The following PTPRJ variants were observed in gnomAD, a reference collection of about 807,000 sequenced individuals.
PTPRJ encodes the protein receptor-type tyrosine-protein phosphatase eta.
PTPRJ carries 129 observed loss-of-function variants against 141.3 expected under a neutral mutation model. The ratio of observed to expected loss-of-function variants is 0.91; its 90% confidence interval spans 0.79 to 1.06. The LOEUF (loss-of-function observed/expected upper bound fraction) is 1.06. Among genes scored for constraint, PTPRJ ranks in the 50% least tolerant of loss-of-function variants. The probability of loss-of-function intolerance (pLI) is 0.00; values close to 1 mark genes in which losing one functional copy is unlikely to be tolerated. For missense variants in PTPRJ, 1,601 were observed against 1,679.7 expected (o/e 0.95, Z 0.82); for synonymous variants, 610 against 640.5 (o/e 0.95, Z 0.72).
intron 3 of PTPRJ, among the ~76,000 whole-genome samples, chr11:48,120,488 C>T (rs968119758): frequency 9.2e-5 from 14 of 152,106 alleles, no homozygotes; most frequent in Non-Finnish European, 1.9e-4. Context: ...TGCAGTGGCG[C>T]GATCTTGGCT....
intron 1 of PTPRJ, among the ~76,000 whole-genome samples, chr11:47,985,210 C>T (rs2134172296): frequency 6.6e-6 from 1 of 152,068 alleles, no homozygotes; most frequent in South Asian, 2.1e-4. Context: ...TGCAGTGGTA[C>T]AAACGTAATT....
chr11:48,132,947 C>T (rs902425819), intron 8 of PTPRJ, among the ~76,000 whole-genome samples: 7 of 152,144 alleles, frequency 4.6e-5, no homozygotes, highest in Non-Finnish European at 8.8e-5. Flanking sequence ...CAACATGTTT[C>T]TTCTGTCTTT....
intron 1 of PTPRJ, among the ~76,000 whole-genome samples, chr11:48,058,759 A>G (rs1015095965): frequency 6.6e-6 from 1 of 152,038 alleles, no homozygotes; most frequent in Non-Finnish European, 1.5e-5. Flanking sequence ...TTTTTTAAAA[A>G]CTGAAGTCAG....
rs747908072 is a variant in PTPRJ at position 48,128,062 on chromosome 11, C to T, written c.1357+19C>T. 9 of 1,603,140 alleles carry T rather than the reference C, an allele frequency of 5.6e-6. No individual in the cohort carries two copies. In the Admixed American group the frequency reaches 1.2e-4, roughly 21 times the overall value. ...CACACCCGTGAGTTCATGCCTGGCT[C>T]TCACCACCCTTTCCTGCTGTCCTGC... On this transcript the variant is annotated intron_variant, in intron 7 of 24. Transcript: ENST00000418331.
At chr11:47,987,678 C>CT (rs1854085869) in intron 1 of PTPRJ, among the ~76,000 whole-genome samples, 1 of 152,210 alleles carries the variant, frequency 6.6e-6, no homozygotes, top group South Asian at 2.1e-4. Context: ...TGGTGAATAT[C>CT]TTAGACCAGA....
chr11:48,065,004 CTTTTTTTTTTT>C (rs61139660), intron 1 of PTPRJ, among the ~76,000 whole-genome samples: 3 of 117,208 alleles, frequency 2.6e-5, no homozygotes, highest in Admixed American at 8.5e-5. Flanking sequence ...CCTCAACTAC[CTTTTTTTTTTT>C]TTTTTTTTTT....
chr11:48,021,424 AT>A (rs1240530943), intron 1 of PTPRJ, among the ~76,000 whole-genome samples: 6 of 149,446 alleles, frequency 4.0e-5, no homozygotes, highest in African/African-American at 9.8e-5. Flanking sequence ...AATAAATAAA[AT>A]AAAATAAAAT....
intron 1 of PTPRJ, among the ~76,000 whole-genome samples, chr11:48,079,406 C>T (rs1476153273): frequency 1.3e-5 from 2 of 151,786 alleles, no homozygotes; most frequent in African/African-American, 4.8e-5. Flanking sequence ...GTTGTGCCTT[C>T]ATGACGCTCG....
intron 1 of PTPRJ, among the ~76,000 whole-genome samples, chr11:48,087,729 T>C (rs1039005590): frequency 2.0e-5 from 3 of 152,188 alleles, no homozygotes; most frequent in African/African-American, 7.2e-5. Flanking sequence ...CTACCTCTGT[T>C]ACTTATGAGC....
chr11:48,151,553 C>T (rs138597618), intron 18 of PTPRJ, among the ~76,000 whole-genome samples: 1 of 151,062 alleles, frequency 6.6e-6, no homozygotes, highest in Non-Finnish European at 1.5e-5. Context: ...GTGCTGCACC[C>T]ATTAACTCAT....
chr11:48,079,367 CAGGGG>C (rs1310081177), intron 1 of PTPRJ, among the ~76,000 whole-genome samples: 1 of 151,638 alleles, frequency 6.6e-6, no homozygotes, highest in Non-Finnish European at 1.5e-5. Flanking sequence ...CATCTTTAGG[CAGGGG>C]AGTGTGCGTG....
intron 1 of PTPRJ, among the ~76,000 whole-genome samples, chr11:48,096,275 G>A (rs960158495): frequency 6.6e-6 from 1 of 152,170 alleles, no homozygotes; most frequent in African/African-American, 2.4e-5. Flanking sequence ...CAGGCGCTGG[G>A]GGTGGGGCAG....
intron 1 of PTPRJ, among the ~76,000 whole-genome samples, chr11:48,040,566 G>C (rs548753657): frequency 6.6e-6 from 1 of 151,640 alleles, no homozygotes; most frequent in South Asian, 2.1e-4. Flanking sequence ...ACAGGTGACT[G>C]CTCACCTCTC....
intron 1 of PTPRJ, among the ~76,000 whole-genome samples, chr11:48,019,091 G>A (rs1204128119): frequency 6.6e-6 from 1 of 152,146 alleles, no homozygotes; most frequent in East Asian, 1.9e-4. Flanking sequence ...GGTAAGTGGA[G>A]TGAGCCCGTG....
At chr11:48,108,067 G>A (rs1050838347) in intron 1 of PTPRJ, among the ~76,000 whole-genome samples, 3 of 152,238 alleles carry the variant, frequency 2.0e-5, no homozygotes, top group Admixed American at 6.5e-5. Flanking sequence ...CTGTGACAGA[G>A]TGAGACCTTG....
chr11:48,057,188 C>A (rs1398075018), intron 1 of PTPRJ, among the ~76,000 whole-genome samples: 1 of 152,082 alleles, frequency 6.6e-6, no homozygotes, highest in Non-Finnish European at 1.5e-5. Context: ...GTGTGGTGCG[C>A]GGCTGTGAGT....
At position 48,123,728 on chromosome 11, in the gene PTPRJ, A is replaced by T. The variant is rs1450493069; in HGVS notation, c.732A>T (p.Gly244=). 2 of 1,613,954 alleles carry T rather than the reference A, an allele frequency of 1.2e-6. No homozygotes were observed. The highest frequency in any genetic ancestry group is 1.7e-6 in the Non-Finnish European group (2 of 1,180,002). ...GCCGGGTTCTTCTTGAAAGCATTGG[A>T]AGCCATGAGGAGTTGACTCAAGACT... ...ASCRVLLESI[G]SHEELTQDSR... Residue 244 remains glycine (G), a synonymous_variant, in exon 5 of 25, where the codon GGA becomes GGT. Coordinates refer to ENST00000418331, the MANE Select transcript of PTPRJ (RefSeq NM_002843.4).
intron 3 of PTPRJ, among the ~76,000 whole-genome samples, 184 bp downstream of exon 3, chr11:48,113,167 T>C (rs1457719702): frequency 6.6e-6 from 1 of 152,224 alleles, no homozygotes; most frequent in Non-Finnish European, 1.5e-5. Flanking sequence ...AACAAGTAAA[T>C]CATTAACTGG....
chr11:48,136,335 C>G, intron 9 of PTPRJ, 39 bp downstream of exon 9: 1 of 1,594,466 alleles, frequency 6.3e-7, no homozygotes, highest in Non-Finnish European at 8.6e-7. Context: ...AACAGCCTCT[C>G]TAACTGTCTC....
Sources: gnomAD v4.1 joint callset for allele counts (sites outside exome capture counted in the v4.1 genomes callset) on GRCh38, gnomAD v4.1.1 for gene constraint, MANE v1.5 for transcripts, NCBI Gene and HGNC (gene_info 2026-07-23, HGNC 2026-07-21) for gene names.